The following PDE4D variants were observed in gnomAD, a reference collection of about 807,000 sequenced individuals.
PDE4D encodes the protein 3',5'-cyclic-AMP phosphodiesterase 4D.
A neutral mutation model predicts 87.4 loss-of-function variants in PDE4D; 24 were observed. That is an observed-to-expected ratio of 0.27 (90% CI 0.20 to 0.39). The LOEUF is 0.39. Ranked by LOEUF, PDE4D falls within the 10% of genes least tolerant of loss-of-function variation. The probability of loss-of-function intolerance (pLI) is 1.00; values close to 1 mark genes in which losing one functional copy is unlikely to be tolerated. For synonymous variants in PDE4D, 384 were observed against 383.2 expected (o/e 1.00, Z -0.02); for missense variants, 714 against 1,041.0 (o/e 0.69, Z 4.32).
intron 1 of PDE4D, among the ~76,000 whole-genome samples, chr5:59,406,406 C>G (rs1236843826): frequency 3.5e-5 from 4 of 114,188 alleles, no homozygotes; most frequent in Non-Finnish European, 7.8e-5. Context: ...CCCCCCCCCC[C>G]CCCCCATAGA....
intron 5 of PDE4D, among the ~76,000 whole-genome samples, chr5:59,117,371 G>A (rs1037671860): frequency 1.3e-5 from 2 of 152,060 alleles, no homozygotes; most frequent in Admixed American, 6.6e-5. Flanking sequence ...GTAACAAAAT[G>A]TATTAGTTTG....
At chr5:60,182,964 C>G (rs1784493964) in intron 2 of PDE4D, among the ~76,000 whole-genome samples, 2 of 151,872 alleles carry the variant, frequency 1.3e-5, no homozygotes, top group Non-Finnish European at 2.9e-5. Flanking sequence ...GAAGCCCTAA[C>G]CCCCAATGTG....
At chr5:59,810,948 T>C (rs1246059407) in intron 1 of PDE4D, among the ~76,000 whole-genome samples, 1 of 152,178 alleles carries the variant, frequency 6.6e-6, no homozygotes, top group African/African-American at 2.4e-5. Flanking sequence ...GTGGGCTTCT[T>C]TTCCCAAATG....
intron 5 of PDE4D, among the ~76,000 whole-genome samples, chr5:59,171,768 C>A (rs10940641): frequency 0.79 from 110,396 of 140,044 alleles, 43,846 homozygotes; most frequent in Non-Finnish European, 0.84. Context: ...CTCTCTCTCT[C>A]TATATATGAA....
chr5:59,558,183 T>C (rs1350344405), intron 1 of PDE4D, among the ~76,000 whole-genome samples: 1 of 152,184 alleles, frequency 6.6e-6, no homozygotes, highest in Non-Finnish European at 1.5e-5. Flanking sequence ...ACAATAAATA[T>C]GAACTTTTGT....
intron 2 of PDE4D, among the ~76,000 whole-genome samples, chr5:60,092,006 G>A (rs1266277062): frequency 5.1e-5 from 7 of 137,638 alleles, no homozygotes; most frequent in Admixed American, 1.6e-4. Flanking sequence ...AGTCGAGATC[G>A]CGCCACTGCG....
chr5:59,960,760 T>A (rs1759381620), intron 3 of PDE4D, among the ~76,000 whole-genome samples: 1 of 152,138 alleles, frequency 6.6e-6, no homozygotes, highest in Non-Finnish European at 1.5e-5. Flanking sequence ...GGGTACTATG[T>A]TCATTATCTT....
chr5:60,286,173 G>A (rs1386547452), intron 1 of PDE4D, among the ~76,000 whole-genome samples: 2 of 152,100 alleles, frequency 1.3e-5, no homozygotes, highest in African/African-American at 4.8e-5. Context: ...TCTTATAAGT[G>A]CCACAAAAAA....
At chr5:60,380,295 T>C (rs532022444) in intron 1 of PDE4D, among the ~76,000 whole-genome samples, 1 of 152,266 alleles carries the variant, frequency 6.6e-6, no homozygotes, top group African/African-American at 2.4e-5. Context: ...TAATGATCAT[T>C]TAACACAGAG....
chr5:59,320,616 A>G (rs1185105195), intron 1 of PDE4D, among the ~76,000 whole-genome samples: 1 of 152,140 alleles, frequency 6.6e-6, no homozygotes, highest in Non-Finnish European at 1.5e-5. Context: ...TATATTGTCA[A>G]TCATTGCTTT....
chr5:59,158,643 T>C (rs1780584665), intron 5 of PDE4D, among the ~76,000 whole-genome samples: 1 of 152,220 alleles, frequency 6.6e-6, no homozygotes, highest in Non-Finnish European at 1.5e-5. Context: ...ATCAGAGGCA[T>C]GCATTTTTTT....
rs1757873225 is a variant in PDE4D, at chr5:60,337,353, ATATATAT to A, written c.-90+150582_-90+150588del. Among the ~76,000 whole-genome samples, 257 of 86,264 alleles carry A rather than the reference ATATATAT, an allele frequency of 3.0e-3. 5 individuals are homozygous for A. The highest frequency in any genetic ancestry group is 6.2e-3 in the African/African-American group (147 of 23,542). 56.6% of individuals were successfully genotyped at this position (86,264 alleles called of 152,430 possible). ...GTCTCAAAAAACAAACAAACAAACT[ATATATAT>A]ATATATATATATATATATATATATA... On this transcript the variant is annotated intron_variant, in intron 1 of 16. Transcript: ENST00000502484.
At chr5:59,592,233 G>A (rs295945) in intron 1 of PDE4D, 15,487 of 695,490 alleles carry the variant, frequency 0.022, 180 homozygotes, top group Admixed American at 0.027. Flanking sequence ...AACTAATAAC[G>A]ATGTTGATAG....
At chr5:59,871,945 A>G (rs1335724121) in intron 1 of PDE4D, among the ~76,000 whole-genome samples, 1 of 151,886 alleles carries the variant, frequency 6.6e-6, no homozygotes, top group East Asian at 1.9e-4. Flanking sequence ...CTTTAACTCA[A>G]TCTCTACTGC....
chr5:59,275,658 T>C, intron 1 of PDE4D: 1 of 1,188,096 alleles, frequency 8.4e-7, no homozygotes, highest in Non-Finnish European at 1.0e-6. Context: ...TTCTTCTGTG[T>C]CTTGCAATGC....
At chr5:60,389,997 C>G (rs868468473) in intron 1 of PDE4D, among the ~76,000 whole-genome samples, 6 of 152,206 alleles carry the variant, frequency 3.9e-5, no homozygotes, top group South Asian at 2.1e-4. Context: ...CTCTCTCGCT[C>G]TCATAGATCT....
chr5:59,755,818 C>T (rs1170044384), intron 1 of PDE4D, among the ~76,000 whole-genome samples: 1 of 151,162 alleles, frequency 6.6e-6, no homozygotes, highest in Non-Finnish European at 1.5e-5. Context: ...CAACAATACA[C>T]ACTTCACCAT....
At chr5:60,268,032 A>G (rs1055208483) in intron 1 of PDE4D, among the ~76,000 whole-genome samples, 2 of 152,084 alleles carry the variant, frequency 1.3e-5, no homozygotes, top group African/African-American at 4.8e-5. Flanking sequence ...AGGAAATGAG[A>G]CCTTTCCAAG....
chr5:59,063,784 A>T (rs577096598), intron 5 of PDE4D, among the ~76,000 whole-genome samples: 9 of 152,322 alleles, frequency 5.9e-5, no homozygotes, highest in African/African-American at 1.9e-4. Context: ...AAAGAAAGAT[A>T]AAAACAGAGA....
Sources: gnomAD v4.1 joint callset for allele counts (sites outside exome capture counted in the v4.1 genomes callset) on GRCh38, gnomAD v4.1.1 for gene constraint, MANE v1.5 for transcripts, NCBI Gene and HGNC (gene_info 2026-07-23, HGNC 2026-07-21) for gene names.